The following TMEM108 variants were observed in gnomAD, a reference collection of about 807,000 sequenced individuals.
The protein encoded by TMEM108 is cancer/testis antigen 124.
In TMEM108, 12 loss-of-function variants were observed where a neutral mutation model predicts 35.1. The observed-to-expected ratio is 0.34, with a 90% CI of 0.22 to 0.55. The LOEUF is 0.55. TMEM108 is among the 20% of genes least tolerant of loss of function. The pLI is 0.89. For missense variants in TMEM108, 680 were observed against 753.3 expected, an observed-to-expected ratio of 0.90 and a Z score of 1.14; for synonymous variants, 287 against 308.6, an observed-to-expected ratio of 0.93 and a Z score of 0.73.
At chr3:133,384,052 T>G (rs2073082796) in intron 4 of TMEM108, among the ~76,000 whole-genome samples, 1 of 152,158 alleles carries the variant, frequency 6.6e-6, no homozygotes, top group East Asian at 1.9e-4. Flanking sequence ...GGAACTATCC[T>G]CATCTATTTG....
chr3:133,067,875 A>C (rs1943629702), intron 2 of TMEM108, among the ~76,000 whole-genome samples: 1 of 152,128 alleles, frequency 6.6e-6, no homozygotes, highest in South Asian at 2.1e-4. Flanking sequence ...ACAGTTCTAA[A>C]AACTAGAAGG....
chr3:133,300,975 TACACACACACACACACACACACACAC>T lies in TMEM108; in HGVS notation c.40+71660_40+71685del, dbSNP rs66703555. Among the ~76,000 whole-genome samples, 71 of 131,360 alleles carry T rather than the reference TACACACACACACACACACACACACAC, an allele frequency of 5.4e-4. 1 individual carries two copies. Among genetic ancestry groups the T allele is most frequent in the Middle Eastern group, 7.5e-3 (2 of 266 alleles). The allele number at this position is 131,360 out of a possible 152,430, so 86.2% of individuals were successfully genotyped here. On this transcript the variant is annotated intron_variant, in intron 3 of 5. Coordinates refer to ENST00000321871, the MANE Select transcript of TMEM108 (RefSeq NM_023943.4). ...AAAATACAATTAATACAGACCCCAG[TACACACACACACACACACACACACAC>T]ACACACACACACACACACACACACA...
intron 2 of TMEM108, among the ~76,000 whole-genome samples, chr3:133,198,569 A>T (rs145365750): frequency 6.6e-6 from 1 of 152,350 alleles, no homozygotes; most frequent in African/African-American, 2.4e-5. Flanking sequence ...CAGTTTGGCC[A>T]GGGGATCTTA....
At chr3:133,138,767 A>AT (rs952541931) in intron 2 of TMEM108, among the ~76,000 whole-genome samples, 29 of 147,748 alleles carry the variant, frequency 2.0e-4, no homozygotes, top group South Asian at 1.1e-3. Context: ...ACCTCTGTTG[A>AT]TTTTTTTTTT....
chr3:133,392,023 G>A (rs1445459375), intron 5 of TMEM108, among the ~76,000 whole-genome samples: 5 of 152,118 alleles, frequency 3.3e-5, no homozygotes, highest in African/African-American at 4.8e-5. Context: ...ACTGTCACAT[G>A]GCAGCAGAGG....
At chr3:133,187,353 C>T (rs1262166536) in intron 2 of TMEM108, among the ~76,000 whole-genome samples, 2 of 152,160 alleles carry the variant, frequency 1.3e-5, no homozygotes, top group African/African-American at 4.8e-5. Context: ...ATGAGAAGTT[C>T]TGTAATAGAT....
chr3:133,181,008 TAAAAAAAAAAAAAAAAA>T (rs369228472), intron 2 of TMEM108, among the ~76,000 whole-genome samples: 5 of 75,854 alleles, frequency 6.6e-5, no homozygotes, highest in South Asian at 1.2e-3. Flanking sequence ...GCAGTTGTGT[TAAAAAAAAAAAAAAAAA>T]AAAAAAAAAA....
chr3:133,370,134 G>A (rs998950697), intron 3 of TMEM108, among the ~76,000 whole-genome samples: 4 of 136,018 alleles, frequency 2.9e-5, no homozygotes, highest in Admixed American at 7.5e-5. Context: ...GTAGCACTTT[G>A]TTCAGACTCC....
chr3:133,327,848 A>G (rs2071349605), intron 3 of TMEM108, among the ~76,000 whole-genome samples: 1 of 152,032 alleles, frequency 6.6e-6, no homozygotes, highest in Non-Finnish European at 1.5e-5. Context: ...GCAGCGGTGA[A>G]ATTCAGTGAA....
chr3:133,151,572 G>A (rs1478858785), intron 2 of TMEM108, among the ~76,000 whole-genome samples: 1 of 152,052 alleles, frequency 6.6e-6, no homozygotes, highest in Non-Finnish European at 1.5e-5. Context: ...CTTAGAAGAG[G>A]AGGAACTCGA....
chr3:133,183,288 A>G (rs1945374045), intron 2 of TMEM108, among the ~76,000 whole-genome samples: 1 of 152,188 alleles, frequency 6.6e-6, no homozygotes. Context: ...TGAAACCAAT[A>G]CATTTCCCTC....
At chr3:133,236,293 T>G (rs1562757) in intron 3 of TMEM108, among the ~76,000 whole-genome samples, 151,946 of 152,138 alleles carry the variant, frequency 1, 75,877 homozygotes, top group Non-Finnish European at 1. Context: ...TCAACTCAGA[T>G]AACTGTCTGT....
chr3:133,142,337 C>G (rs1247758557), intron 2 of TMEM108, among the ~76,000 whole-genome samples: 2 of 152,178 alleles, frequency 1.3e-5, no homozygotes, highest in South Asian at 2.1e-4. Flanking sequence ...AGACTAGCTA[C>G]GGACAGGAAG....
intron 2 of TMEM108, among the ~76,000 whole-genome samples, chr3:133,180,384 GGAA>G (rs916098894): frequency 2.0e-5 from 3 of 151,776 alleles, no homozygotes; most frequent in Admixed American, 2.0e-4. Context: ...CTTTTTTTCT[GGAA>G]GAAGGCCTCA....
chr3:133,185,600 A>G (rs1945406562), intron 2 of TMEM108, among the ~76,000 whole-genome samples: 1 of 151,140 alleles, frequency 6.6e-6, no homozygotes, highest in Non-Finnish European at 1.5e-5. Context: ...TCTGTGTGTC[A>G]GGTTTGTAGA....
chr3:133,192,579 TGCCTAGGAAGCTA>T (rs1463093367), intron 2 of TMEM108, among the ~76,000 whole-genome samples: 1 of 151,996 alleles, frequency 6.6e-6, no homozygotes, highest in Non-Finnish European at 1.5e-5. Context: ...GAAAGTGGAA[TGCCTAGGAAGCTA>T]GCATTTCAGT....
At chr3:133,157,551 C>A (rs927328622) in intron 2 of TMEM108, among the ~76,000 whole-genome samples, 1 of 152,106 alleles carries the variant, frequency 6.6e-6, no homozygotes, top group African/African-American at 2.4e-5. Flanking sequence ...TCCTTGACAC[C>A]CTTTTCTCAC....
chr3:133,277,014 G>A (rs960471774), intron 3 of TMEM108, among the ~76,000 whole-genome samples: 1 of 152,154 alleles, frequency 6.6e-6, no homozygotes, highest in Non-Finnish European at 1.5e-5. Flanking sequence ...CTAATGACGT[G>A]TGAGGTGCTG....
chr3:133,142,467 C>G (rs540047254), intron 2 of TMEM108, among the ~76,000 whole-genome samples: 63 of 152,170 alleles, frequency 4.1e-4, no homozygotes, highest in African/African-American at 1.5e-3. Context: ...TGTCAAGGTC[C>G]GTGAGAACAT....
Sources: allele counts gnomAD v4.1 joint callset (sites outside exome capture counted in the v4.1 genomes callset), GRCh38; gene constraint gnomAD v4.1.1; transcripts MANE v1.5; gene names NCBI Gene and HGNC (gene_info 2026-07-23, HGNC 2026-07-21).